ZNF318: variants seen among roughly 807,000 people sequenced by gnomAD.
ZNF318 encodes zinc finger protein 318, also known as endocrine regulator.
ZNF318 carries 51 observed loss-of-function variants against 124.2 expected under a neutral mutation model. The observed-to-expected ratio is 0.41, with a 90% CI of 0.33 to 0.52. The LOEUF (loss-of-function observed/expected upper bound fraction) is 0.52. Among genes scored for constraint, ZNF318 ranks in the 20% least tolerant of loss-of-function variants. The pLI is 0.23. For synonymous variants in ZNF318, 1,090 were observed against 1,040.7 expected (o/e 1.05, Z -0.91); for missense variants, 2,815 against 2,811.2 (o/e 1.00, Z -0.03).
chr6:43,346,130 G>C (rs1779437225), intron 6 of ZNF318, among the ~76,000 whole-genome samples: 1 of 143,382 alleles, frequency 7.0e-6, no homozygotes, highest in East Asian at 2.1e-4. Flanking sequence ...AGAAGACAGA[G>C]GTTGCAGTGA....
intron 6 of ZNF318, among the ~76,000 whole-genome samples, chr6:43,344,193 C>G (rs1215667819): frequency 6.6e-6 from 1 of 152,136 alleles, no homozygotes; most frequent in Non-Finnish European, 1.5e-5. Flanking sequence ...TCAAGAATCA[C>G]TAAAGAAATC....
chr6:43,341,803 C>A (rs1333772420), intron 8 of ZNF318, among the ~76,000 whole-genome samples: 1 of 152,158 alleles, frequency 6.6e-6, no homozygotes, highest in Non-Finnish European at 1.5e-5. Flanking sequence ...TCCTTTTTAA[C>A]CTGGATTCCA....
At chr6:43,366,298 G>A (rs995704658) in intron 1 of ZNF318, among the ~76,000 whole-genome samples, 1 of 152,116 alleles carries the variant, frequency 6.6e-6, no homozygotes, top group African/African-American at 2.4e-5. Context: ...TGACAGAAGA[G>A]GAAAAGATAG....
chr6:43,360,852 A>C (rs1285504304), intron 2 of ZNF318, among the ~76,000 whole-genome samples: 2 of 152,212 alleles, frequency 1.3e-5, no homozygotes, highest in African/African-American at 4.8e-5. Flanking sequence ...ATATTATATG[A>C]TTCTATTTAT....
intron 7 of ZNF318, 70 bp downstream of exon 7, chr6:43,342,606 G>T: frequency 6.7e-7 from 1 of 1,499,478 alleles, no homozygotes; most frequent in Non-Finnish European, 9.2e-7. Context: ...GCTTTGCAAT[G>T]CAGATAGGGG....
chr6:43,340,681 A>G, intron 9 of ZNF318, 109 bp downstream of exon 9: 2 of 1,518,408 alleles, frequency 1.3e-6, no homozygotes, highest in Non-Finnish European at 1.8e-6. Context: ...TAGAGGTTAT[A>G]TGGAATTTGA....
intron 6 of ZNF318, among the ~76,000 whole-genome samples, chr6:43,346,657 G>C (rs1779452269): frequency 6.6e-6 from 1 of 152,094 alleles, no homozygotes; most frequent in East Asian, 1.9e-4. Flanking sequence ...ACTAGATCTG[G>C]GTGGAATTCT....
At chr6:43,354,558 T>C in intron 4 of ZNF318, 106 bp downstream of exon 4, 1 of 1,045,918 alleles carries the variant, frequency 9.6e-7, no homozygotes, top group Non-Finnish European at 1.4e-6. Context: ...TCCAGACGAC[T>C]TCAAGTGAAA....
chr6:43,363,757 C>G (rs1779719550), intron 2 of ZNF318: 1 of 632,048 alleles, frequency 1.6e-6, no homozygotes, highest in African/African-American at 1.8e-5. Context: ...AGTGCAGAAG[C>G]AGACCCACAC....
chr6:43,338,877 G>C lies in ZNF318; in HGVS notation c.5121C>G (p.Asp1707Glu). ...AIWTSSSFQSDTSRDISPEKS... is the reference protein window; with the variant it reads ...AIWTSSSFQSETSRDISPEKS... ...TCTCTGGAGATATATCCCTACTAGT[G>C]TCACTCTGGAAGGAACTAGAGGTCC... The change falls in exon 10 of 10, where the codon GAC (aspartate) becomes GAG (glutamate). Residue 1707 changes from aspartate to glutamate, a missense_variant. By Grantham distance (45) the Asp-to-Glu change is conservative (BLOSUM62 2). This residue lies in a region of ZNF318 where 927 missense variants were observed against 820.6 expected (regional missense o/e 1.13). Coordinates refer to ENST00000361428, the MANE Select transcript of ZNF318 (RefSeq NM_014345.3). 1 of 1,614,090 alleles carries C rather than the reference G, an allele frequency of 6.2e-7. No individual in the cohort carries two copies. The highest frequency in any genetic ancestry group is 8.5e-7 in the Non-Finnish European group (1 of 1,180,034).
intron 2 of ZNF318, among the ~76,000 whole-genome samples, chr6:43,358,287 A>G (rs2150755640): frequency 6.6e-6 from 1 of 152,144 alleles, no homozygotes; most frequent in Non-Finnish European, 1.5e-5. Context: ...TCGCTCTGTC[A>G]CCCAGGCTGG....
Position 43,339,360 on chromosome 6 carries a change from G to C in ZNF318, c.4638C>G (p.Phe1546Leu), listed in dbSNP as rs1471726869. The change falls in exon 10 of 10, where the codon TTC (phenylalanine) becomes TTG (leucine). Residue 1546 changes from phenylalanine (F) to leucine (L), a missense_variant. By Grantham distance (22) the Phe-to-Leu change is conservative (BLOSUM62 0). Coordinates refer to ENST00000361428, the MANE Select transcript of ZNF318 (RefSeq NM_014345.3). This position sits in a 1 kb window ranked among gnomAD's most constrained non-coding sequence, Gnocchi z 4.2. Reference protein sequence around the residue: ...VRPPPPLSSVFSEQAKKLEKR... With the variant: ...VRPPPPLSSVLSEQAKKLEKR... ...TCTCTAATTTTTTGGCTTGTTCACT[G>C]AACACACTTGAGAGGGGTGGTGGAG... 1 of 1,614,108 alleles carries C rather than the reference G, an allele frequency of 6.2e-7. No homozygotes were observed. Among genetic ancestry groups the C allele is most frequent in the Admixed American group, 1.7e-5 (1 of 60,018 alleles).
At position 43,352,381 on chromosome 6, in the gene ZNF318, T is replaced by C. The variant is rs781091108; in HGVS notation, c.2766A>G (p.Gln922=). ...GTCATGCAAAGCAGCTGATACCTTG[T>C]TGTTTATGAAGCCGCTCTAACTCGG... ...LRTELERLHK[Q]QGEMLRKKRR... is the part of the protein sequence containing the mutation. The change falls in exon 5 of 10, where the codon CAA becomes CAG. Residue 922 remains glutamine (Q), a synonymous_variant. Coordinates refer to ENST00000361428, the MANE Select transcript of ZNF318 (RefSeq NM_014345.3). 2.1e-4 allele frequency: 334 copies of C among 1,613,852 alleles called. No homozygotes were observed. The highest frequency in any genetic ancestry group is 2.7e-4 in the Non-Finnish European group (318 of 1,179,898).
intron 4 of ZNF318, 91 bp from the exon 5 acceptor site, chr6:43,352,567 C>T: frequency 1.7e-6 from 2 of 1,188,550 alleles, no homozygotes; most frequent in Non-Finnish European, 2.4e-6. Context: ...TAGACATTAT[C>T]TGAATGTAAG....
intron 1 of ZNF318, 52 bp downstream of exon 1, chr6:43,368,915 C>T: frequency 1.6e-6 from 2 of 1,276,028 alleles, no homozygotes; most frequent in Non-Finnish European, 2.0e-6. Flanking sequence ...ACGGGAATTC[C>T]GGGGGAGGGG....
At position 43,337,080 on chromosome 6, in the gene ZNF318, A is replaced by T. The variant is rs953899396; in HGVS notation, c.*78T>A. 9.5e-6 allele frequency: 13 copies of T among 1,368,532 alleles called. No homozygotes were observed. The highest frequency in any genetic ancestry group is 1.3e-5 in the Non-Finnish European group (13 of 1,024,498). The allele number at this position is 1,368,532 out of a possible 1,614,324, so 84.8% of individuals were successfully genotyped here. On this transcript the variant is annotated 3_prime_UTR_variant, in exon 10 of 10. Coordinates refer to ENST00000361428, the MANE Select transcript of ZNF318 (RefSeq NM_014345.3). ...TGGTGTAGGTTCCAGATGAGATAACAAACTAGTCTTGGATCATCTGGGCAT... is the reference window on the plus strand; with the variant it reads ...TGGTGTAGGTTCCAGATGAGATAACTAACTAGTCTTGGATCATCTGGGCAT...
At chr6:43,343,827 C>CAA (rs10560070) in intron 6 of ZNF318, among the ~76,000 whole-genome samples, 188 of 101,872 alleles carry the variant, frequency 1.8e-3, no homozygotes, top group Non-Finnish European at 2.8e-3. Context: ...GACCCTGTCT[C>CAA]AAAAAAAAAA....
At chr6:43,367,142 G>C (rs920314104) in intron 1 of ZNF318, among the ~76,000 whole-genome samples, 4 of 152,126 alleles carry the variant, frequency 2.6e-5, no homozygotes, top group Admixed American at 1.3e-4. Flanking sequence ...GAGCCACCGC[G>C]CCCGGCCCTA....
chr6:43,356,084 G>A lies in ZNF318; in HGVS notation c.1250C>T (p.Pro417Leu). The change falls in exon 4 of 10, where the codon CCA becomes CTA. Residue 417 changes from proline to leucine, a missense_variant. Pro to Leu is a moderately conservative substitution (Grantham distance 98, BLOSUM62 -3). This residue lies in a region of ZNF318 where 1,377 missense variants were observed against 1,353.5 expected (regional missense o/e 1.02). Coordinates refer to ENST00000361428, the MANE Select transcript of ZNF318 (RefSeq NM_014345.3). ...AATAGCACCACTTAGTGGAAGGGAT[G>A]GGTGCCCAGAGTAGAGAGGGTGATC... Reference protein sequence around the residue: ...SQDHPLYSGHPSLPLSGAIAA... With the variant: ...SQDHPLYSGHLSLPLSGAIAA... 6.2e-7 allele frequency: 1 copy of A among 1,614,168 alleles called. No homozygotes were observed. Among genetic ancestry groups the A allele is most frequent in the Non-Finnish European group, 8.5e-7 (1 of 1,180,008 alleles).
Sources: gnomAD v4.1 joint callset for allele counts (sites outside exome capture counted in the v4.1 genomes callset) on GRCh38, gnomAD v4.1.1 for gene constraint, gnomAD v4.1.1 regional missense constraint, Gnocchi (gnomAD v3.1) non-coding constraint, MANE v1.5 for transcripts, NCBI Gene and HGNC (gene_info 2026-07-23, HGNC 2026-07-21) for gene names.